CCDC88A: variants seen among roughly 807,000 people sequenced by gnomAD.
The protein encoded by CCDC88A is girdin.
In CCDC88A, 54 loss-of-function variants were observed where a neutral mutation model predicts 234.3. The ratio of observed to expected loss-of-function variants is 0.23; its 90% CI spans 0.19 to 0.29. The LOEUF is 0.29. CCDC88A is among the 10% of genes least tolerant of loss of function. CCDC88A has a pLI of 1.00. For missense variants in CCDC88A, 1,832 were observed against 2,123.4 expected, an observed-to-expected ratio of 0.86 and a Z score of 2.70; for synonymous variants, 753 against 737.8, an observed-to-expected ratio of 1.02 and a Z score of -0.33.
At chr2:55,369,639 G>A (rs1170332193) in intron 5 of CCDC88A, among the ~76,000 whole-genome samples, 1 of 151,710 alleles carries the variant, frequency 6.6e-6, no homozygotes, top group East Asian at 1.9e-4. Flanking sequence ...TTTTCTTTTG[G>A]CAGAGACAAC....
At chr2:55,358,777 G>T (rs1428786586) in intron 7 of CCDC88A, among the ~76,000 whole-genome samples, 7 of 147,696 alleles carry the variant, frequency 4.7e-5, no homozygotes, top group Non-Finnish European at 6.0e-5. Context: ...TTCAACCCAG[G>T]GAAAAAAAAA....
rs1685507010 is a variant in CCDC88A, at chr2:55,336,795, A to T, written c.1542T>A (p.Ile514=). Residue 514 remains isoleucine, a synonymous_variant, in exon 14 of 33, where the codon ATT becomes ATA. Coordinates refer to ENST00000436346, the MANE Select transcript of CCDC88A (RefSeq NM_001365480.1). ...SKKVEILENE[I]VQEKQSLQNC... ...TCTGAAGACTTTGCTTTTCTTGAACAATCTCATTTTCAAGAATCTCAACCT... is the reference window on the plus strand; with the variant it reads ...TCTGAAGACTTTGCTTTTCTTGAACTATCTCATTTTCAAGAATCTCAACCT... 1 of 1,584,236 alleles carries T rather than the reference A, an allele frequency of 6.3e-7. No individual in the cohort carries two copies. The highest frequency in any genetic ancestry group is 1.4e-5 in the African/African-American group (1 of 73,856).
At chr2:55,370,473 C>G (rs966056020) in intron 5 of CCDC88A, among the ~76,000 whole-genome samples, 1 of 150,964 alleles carries the variant, frequency 6.6e-6, no homozygotes, top group African/African-American at 2.4e-5. Context: ...GAAACCCTGT[C>G]TCTACTAAAA....
rs772503091 is a variant in CCDC88A at position 55,295,447 on chromosome 2, G to T, written c.5551+150C>A. The T allele has an allele frequency of 1.7e-5, 26 of 1,556,806 alleles. No individual in the cohort carries two copies. The East Asian group carries it at 6.3e-4, about 37-fold the overall frequency. On this transcript the variant is annotated intron_variant, in intron 31 of 32. Coordinates refer to ENST00000436346, the MANE Select transcript of CCDC88A (RefSeq NM_001365480.1). ...CTAATAGTGGCAAAAGTTTGGTTTA[G>T]AAAATGTGACCTTCCTGTTCTTGAG...
At chr2:55,355,526 G>T in intron 8 of CCDC88A, 53 bp downstream of exon 8, 1 of 1,433,934 alleles carries the variant, frequency 7.0e-7, no homozygotes, top group South Asian at 1.2e-5. Context: ...ATATTGTTTA[G>T]GTCACCTTTG....
Position 55,317,676 on chromosome 2 carries a change from C to G in CCDC88A, c.3490G>C (p.Glu1164Gln), listed in dbSNP as rs749510275. The G allele has an allele frequency of 2.5e-6, 4 of 1,613,218 alleles. No individual in the cohort carries two copies. In the Admixed American group the frequency reaches 6.7e-5, roughly 27 times the overall value. ...DSLIKDHEKLELLHERQASEY... is the reference protein window; with the variant it reads ...DSLIKDHEKLQLLHERQASEY... ...GAAGCCTGACGTTCATGAAGAAGTT[C>G]CAGCTTTTCATGATCTTTGATCAGA... The change falls in exon 20 of 33, where the codon GAA (glutamate) becomes CAA (glutamine). Residue 1164 changes from glutamate to glutamine, a missense_variant. By Grantham distance (29) the Glu-to-Gln change is conservative. Around this residue, in one of 6 missense-constraint regions of CCDC88A, gnomAD observed 1,282 missense variants for 1,543.6 expected, o/e 0.83. Coordinates refer to ENST00000436346, the MANE Select transcript of CCDC88A (RefSeq NM_001365480.1). This position sits in a 1 kb window ranked among gnomAD's most constrained non-coding sequence, Gnocchi z 4.2.
intron 9 of CCDC88A, chr2:55,349,313 G>A: frequency 1.9e-6 from 1 of 527,454 alleles, no homozygotes; most frequent in Admixed American, 3.6e-5. Context: ...AATCTTAGCA[G>A]AGTTTGAACA....
intron 31 of CCDC88A, chr2:55,295,077 T>C (rs1344185708): frequency 7.7e-6 from 10 of 1,300,126 alleles, no homozygotes; most frequent in Non-Finnish European, 1.0e-5. Flanking sequence ...TATACAACCA[T>C]ATTCATACCA....
chr2:55,340,741 T>A (rs919258991), intron 12 of CCDC88A, among the ~76,000 whole-genome samples: 1 of 152,232 alleles, frequency 6.6e-6, no homozygotes, highest in Non-Finnish European at 1.5e-5. Context: ...TTAATCCAGT[T>A]CCATTCATTA....
intron 2 of CCDC88A, chr2:55,404,452 T>A (rs1012201100): frequency 6.6e-6 from 1 of 151,902 alleles, no homozygotes; most frequent in African/African-American, 2.4e-5. Context: ...AAAGGCTCAA[T>A]GCTAACTCCA....
chr2:55,355,546 A>G lies in CCDC88A; in HGVS notation c.800+33T>C. 1.9e-6 allele frequency: 3 copies of G among 1,590,448 alleles called. No individual in the cohort carries two copies. In the South Asian group the frequency reaches 3.3e-5, roughly 18 times the overall value. On this transcript the variant is annotated intron_variant, in intron 8 of 32. Transcript: ENST00000436346. ...GTTTAGGTCACCTTTGGGACCATAT[A>G]AATTCAATGAACCTCAAAAATCAGC...
intron 22 of CCDC88A, chr2:55,313,221 A>T (rs1682551531): frequency 6.6e-6 from 1 of 152,234 alleles, no homozygotes; most frequent in South Asian, 2.1e-4. Flanking sequence ...GGCATGCGCC[A>T]CCACACCCAG....
chr2:55,301,538 G>A, intron 27 of CCDC88A: 1 of 493,588 alleles, frequency 2.0e-6, no homozygotes, highest in Non-Finnish European at 3.5e-6. Flanking sequence ...CAAGAGCCTG[G>A]GTTGTTCTAG....
chr2:55,333,062 A>G (rs1685105446), intron 15 of CCDC88A, among the ~76,000 whole-genome samples: 1 of 152,174 alleles, frequency 6.6e-6, no homozygotes, highest in South Asian at 2.1e-4. Flanking sequence ...CTCTCCCACA[A>G]GATCCCTTCT....
intron 18 of CCDC88A, chr2:55,321,115 G>GAAAAAAA (rs60858860): frequency 4.7e-5 from 5 of 105,946 alleles, no homozygotes; most frequent in Non-Finnish European, 8.4e-5. Context: ...TCTCAGAGAA[G>GAAAAAAA]AAAAAAAAAA....
intron 27 of CCDC88A, 91 bp downstream of exon 27, chr2:55,301,781 G>T: frequency 9.7e-7 from 1 of 1,028,630 alleles, no homozygotes; most frequent in Non-Finnish European, 1.5e-6. Flanking sequence ...ATTTCAGGTT[G>T]CTGCTTTTTA....
At chr2:55,369,851 GTATAT>G (rs1672564044) in intron 5 of CCDC88A, among the ~76,000 whole-genome samples, 1 of 152,078 alleles carries the variant, frequency 6.6e-6, no homozygotes, top group East Asian at 1.9e-4. Flanking sequence ...ATGCACCAAT[GTATAT>G]TACATTACGG....
At chr2:55,303,644 G>C (rs907650079) in intron 25 of CCDC88A, among the ~76,000 whole-genome samples, 1 of 152,130 alleles carries the variant, frequency 6.6e-6, no homozygotes, top group Non-Finnish European at 1.5e-5. Flanking sequence ...GCCTCCCAAA[G>C]TGCTGGGATT....
chr2:55,370,591 A>G (rs1351775302), intron 5 of CCDC88A, among the ~76,000 whole-genome samples: 3 of 150,066 alleles, frequency 2.0e-5, no homozygotes, highest in Non-Finnish European at 3.0e-5. Flanking sequence ...CAGTGAGCCA[A>G]GATAATACCA....
Sources: gnomAD v4.1 joint callset for allele counts (sites outside exome capture counted in the v4.1 genomes callset) on GRCh38, gnomAD v4.1.1 for gene constraint, gnomAD v4.1.1 regional missense constraint, Gnocchi (gnomAD v3.1) non-coding constraint, MANE v1.5 for transcripts, NCBI Gene and HGNC (gene_info 2026-07-23, HGNC 2026-07-21) for gene names.